Variants in SEMA3A observed in about 807,000 individuals in gnomAD.
SEMA3A encodes the protein semaphorin-3A.
In SEMA3A, 29 loss-of-function variants were observed where a neutral mutation model predicts 97.9. The observed-to-expected ratio is 0.30, with a 90% CI of 0.22 to 0.40. The LOEUF is 0.40. SEMA3A is among the 10% of genes least tolerant of loss of function. The pLI is 1.00. For synonymous variants in SEMA3A, 321 were observed against 323.7 expected, an observed-to-expected ratio of 0.99 and a Z score of 0.09; for missense variants, 763 against 951.3, an observed-to-expected ratio of 0.80 and a Z score of 2.60.
chr7:84,388,200 C>T (rs1459346505), intron 1 of SEMA3A, among the ~76,000 whole-genome samples: 1 of 152,022 alleles, frequency 6.6e-6, no homozygotes, highest in African/African-American at 2.4e-5. Flanking sequence ...GAGTACTTAG[C>T]TCATATAAGA....
At chr7:84,061,969 G>A (rs1331751594) in intron 4 of SEMA3A, among the ~76,000 whole-genome samples, 1 of 152,136 alleles carries the variant, frequency 6.6e-6, no homozygotes, top group Non-Finnish European at 1.5e-5. Context: ...CAGGCACCAG[G>A]CTTAGCTCTG....
chr7:84,095,241 A>G (rs1794723424), intron 4 of SEMA3A, among the ~76,000 whole-genome samples: 1 of 140,128 alleles, frequency 7.1e-6, no homozygotes, highest in Non-Finnish European at 1.6e-5. Context: ...ATATATAAAT[A>G]TATGTTTATA....
In SEMA3A at chr7:84,450,267, A is replaced by C. The variant is rs78100758; in HGVS notation, c.-246+42193T>G. On this transcript the variant is annotated intron_variant, in intron 1 of 3. Coordinates refer to the SEMA3A transcript ENST00000424555. ...TTCTCTCTCTCTCTCTTTTGATAACAGACATCTGCAGGAGTATAGGGCCCC... is the reference window on the plus strand; with the variant it reads ...TTCTCTCTCTCTCTCTTTTGATAACCGACATCTGCAGGAGTATAGGGCCCC... 0.014 allele frequency among the ~76,000 whole-genome samples: 2,103 copies of C among 152,192 alleles called. 81 individuals carry two copies. The East Asian group carries it at 0.16, about 11-fold the overall frequency.
At chr7:84,477,525 G>A (rs2116425332) in intron 1 of SEMA3A, among the ~76,000 whole-genome samples, 1 of 149,866 alleles carries the variant, frequency 6.7e-6, no homozygotes, top group South Asian at 2.1e-4. Context: ...TAAATAAAAT[G>A]TGTATATTGG....
chr7:84,100,448 T>A (rs1218397921), intron 4 of SEMA3A, among the ~76,000 whole-genome samples: 2 of 152,174 alleles, frequency 1.3e-5, no homozygotes, highest in Non-Finnish European at 1.5e-5. Context: ...CTTTTCTCAT[T>A]AGTAAAATGA....
intron 15 of SEMA3A, among the ~76,000 whole-genome samples, chr7:83,964,823 A>G (rs1450389135): frequency 1.3e-5 from 2 of 152,220 alleles, no homozygotes; most frequent in Non-Finnish European, 2.9e-5. Context: ...GCATATCTTC[A>G]TGTGCCAATA....
intron 4 of SEMA3A, among the ~76,000 whole-genome samples, chr7:84,107,141 G>T (rs1177498304): frequency 6.6e-6 from 1 of 151,972 alleles, no homozygotes; most frequent in Non-Finnish European, 1.5e-5. Context: ...CCTCTGTTTC[G>T]ATTGCTATTT....
intron 1 of SEMA3A, among the ~76,000 whole-genome samples, chr7:84,148,764 C>T (rs1312023472): frequency 1.3e-5 from 2 of 152,150 alleles, no homozygotes; most frequent in African/African-American, 2.4e-5. Context: ...TCCAGCTACT[C>T]GACAAGAAGC....
At chr7:84,420,603 C>T (rs781144227) in intron 1 of SEMA3A, among the ~76,000 whole-genome samples, 8 of 151,894 alleles carry the variant, frequency 5.3e-5, no homozygotes, top group South Asian at 4.1e-4. Context: ...TGATAAAAAA[C>T]GTAAATCTCC....
At chr7:84,112,805 G>T (rs1285212696) in intron 3 of SEMA3A, among the ~76,000 whole-genome samples, 1 of 152,156 alleles carries the variant, frequency 6.6e-6, no homozygotes, top group African/African-American at 2.4e-5. Flanking sequence ...AACTACTAAA[G>T]AGGAACCACT....
chr7:84,425,208 T>G (rs1237372166), intron 1 of SEMA3A, among the ~76,000 whole-genome samples: 1 of 117,848 alleles, frequency 8.5e-6, no homozygotes. Flanking sequence ...TAAATTTACG[T>G]ATTTATATAT....
intron 7 of SEMA3A, among the ~76,000 whole-genome samples, chr7:84,012,678 C>T (rs1235598322): frequency 2.6e-5 from 4 of 152,042 alleles, no homozygotes; most frequent in Non-Finnish European, 4.4e-5. Flanking sequence ...TTTGAATAAC[C>T]GTTAATAAAG....
intron 3 of SEMA3A, among the ~76,000 whole-genome samples, chr7:84,204,469 T>C (rs1026251702): frequency 1.3e-5 from 2 of 152,116 alleles, no homozygotes; most frequent in Non-Finnish European, 2.9e-5. Context: ...TGGGTAAGCT[T>C]CTGGGCATCA....
At chr7:84,112,480 T>G (rs891123518) in intron 3 of SEMA3A, among the ~76,000 whole-genome samples, 3 of 152,160 alleles carry the variant, frequency 2.0e-5, no homozygotes, top group Non-Finnish European at 4.4e-5. Context: ...ATCACCTAAG[T>G]GCCTCCTTAG....
Position 84,263,843 on chromosome 7 carries a change from G to C in SEMA3A, c.-83+43364C>G, listed in dbSNP as rs562309552. On this transcript the variant is annotated intron_variant, in intron 3 of 3. Coordinates refer to the SEMA3A transcript ENST00000424555. ...ATAGCTGTGACTCTTGGTCTTAAAA[G>C]GAAATAATGCACTCCAACCTAAATT... 6.6e-5 allele frequency among the ~76,000 whole-genome samples: 10 copies of C among 152,108 alleles called. No homozygotes were observed. The East Asian group carries it at 1.9e-3, about 29-fold the overall frequency.
intron 5 of SEMA3A, among the ~76,000 whole-genome samples, chr7:84,057,736 T>TG (rs1472698658): frequency 6.8e-6 from 1 of 147,662 alleles, no homozygotes; most frequent in Admixed American, 7.0e-5. Context: ...CACTCCAGCC[T>TG]GGGCGACAGA....
chr7:84,247,712 G>A lies in SEMA3A; in HGVS notation c.-82-53044C>T, dbSNP rs73384824. The stretch of plus-strand genomic sequence containing the variant: ...AACTCAATGATCCACTGGAGAGTGC[G>A]TAAACCATAGTAACTCCCCTTACCC... On this transcript the variant is annotated intron_variant, in intron 3 of 3. Coordinates refer to the SEMA3A transcript ENST00000424555. Among the ~76,000 whole-genome samples the A allele has an allele frequency of 8.4e-3, 1,278 of 152,208 alleles. 16 individuals carry two copies. The highest frequency in any genetic ancestry group is 0.029 in the African/African-American group (1,206 of 41,524).
chr7:84,051,365 T>C (rs1248844528), intron 5 of SEMA3A, among the ~76,000 whole-genome samples: 1 of 152,232 alleles, frequency 6.6e-6, no homozygotes, highest in East Asian at 1.9e-4. Context: ...TTCCTTTTGT[T>C]TGTATCCTCT....
At chr7:84,474,381 T>G (rs1009302330) in intron 1 of SEMA3A, among the ~76,000 whole-genome samples, 1 of 152,202 alleles carries the variant, frequency 6.6e-6, no homozygotes, top group African/African-American at 2.4e-5. Context: ...TATGAGAAAT[T>G]CTGCTCCCCT....
Sources: gnomAD v4.1 joint callset for allele counts (sites outside exome capture counted in the v4.1 genomes callset) on GRCh38, gnomAD v4.1.1 for gene constraint, MANE v1.5 for transcripts, NCBI Gene and HGNC (gene_info 2026-07-23, HGNC 2026-07-21) for gene names.